SECISBP2L: variants seen among roughly 807,000 people sequenced by gnomAD.
SECISBP2L encodes selenocysteine insertion sequence-binding protein 2-like.
A neutral mutation model predicts 114.7 loss-of-function variants in SECISBP2L; 43 were observed. That is an observed-to-expected ratio of 0.38 (90% CI 0.29 to 0.48). SECISBP2L has a LOEUF of 0.48. SECISBP2L is among the 20% of genes least tolerant of loss of function. The pLI is 0.98. For missense variants in SECISBP2L, 1,136 were observed against 1,301.1 expected, an observed-to-expected ratio of 0.87 and a Z score of 1.95; for synonymous variants, 451 against 439.7, an observed-to-expected ratio of 1.03 and a Z score of -0.32.
intron 1 of SECISBP2L, chr15:49,042,455 G>C (rs986152147): frequency 6.6e-6 from 1 of 152,250 alleles, no homozygotes; most frequent in Non-Finnish European, 1.5e-5. Context: ...ACCTGGGCCA[G>C]TTCACCCTTC....
chr15:49,007,454 G>A (rs763897819), intron 14 of SECISBP2L, among the ~76,000 whole-genome samples: 44 of 152,316 alleles, frequency 2.9e-4, no homozygotes, highest in Middle Eastern at 6.8e-3. Context: ...CTGTAAGCCC[G>A]TGACCAGGGC....
Position 49,012,543 on chromosome 15 carries a change from T to A in SECISBP2L, c.1731+105A>T, listed in dbSNP as rs568832672. 3.4e-5 allele frequency: 39 copies of A among 1,163,754 alleles called. No individual in the cohort carries two copies. In the Admixed American group the frequency reaches 6.3e-4, roughly 19 times the overall value. The allele number at this position is 1,163,754 out of a possible 1,614,324, so 72.1% of individuals were successfully genotyped here. On this transcript the variant is annotated intron_variant, in intron 12 of 17. Transcript: ENST00000559471. ...GTCAAGATTCATGTGTATGAATACT[T>A]CTCACAACAATCTGTTGGCTAAGAC...
chr15:48,996,493 C>A lies in SECISBP2L; in HGVS notation c.2497G>T (p.Ala833Ser). 6.2e-7 allele frequency: 1 copy of A among 1,614,148 alleles called. No homozygotes were observed. Among genetic ancestry groups the A allele is most frequent in the Non-Finnish European group, 8.5e-7 (1 of 1,180,004 alleles). The change falls in exon 17 of 18, where the codon GCC (alanine) becomes TCC (serine). Residue 833 changes from alanine to serine, a missense_variant. Coordinates refer to ENST00000559471, the MANE Select transcript of SECISBP2L (RefSeq NM_001193489.2). ...GGTACCTTCTTCACATTCTTTAAGG[C>A]TTCCTCAGCCTGCTCCTGTTCCATT... ...AAMEQEQAEE[A>S]LKNVKKVPHH...
intron 8 of SECISBP2L, among the ~76,000 whole-genome samples, chr15:49,018,352 G>T (rs572979394): frequency 6.6e-6 from 1 of 151,898 alleles, no homozygotes; most frequent in East Asian, 1.9e-4. Flanking sequence ...CACCTCCTGG[G>T]TTCAAGCAAT....
intron 11 of SECISBP2L, among the ~76,000 whole-genome samples, chr15:49,013,564 G>C (rs538564182): frequency 3.2e-4 from 49 of 152,294 alleles, no homozygotes; most frequent in Admixed American, 2.9e-3. Context: ...CAAAGTGCTG[G>C]GATTACAGGC....
intron 11 of SECISBP2L, 127 bp downstream of exon 11, chr15:49,016,433 C>CAT (rs1259806001): frequency 7.9e-6 from 6 of 760,598 alleles, no homozygotes; most frequent in African/African-American, 1.8e-5. Context: ...AACACACATA[C>CAT]ATATATATAC....
At chr15:49,007,810 G>A (rs554323198) in intron 14 of SECISBP2L, among the ~76,000 whole-genome samples, 3 of 152,252 alleles carry the variant, frequency 2.0e-5, no homozygotes, top group Admixed American at 6.5e-5. Flanking sequence ...ATAAAAGTAA[G>A]GAGCTAGGTA....
Position 49,035,437 on chromosome 15 carries a change from G to A in SECISBP2L, c.425C>T (p.Ala142Val), listed in dbSNP as rs372622388. Residue 142 changes from alanine to valine, a missense_variant, in exon 3 of 18, where the codon GCT becomes GTT. This residue lies in a region of SECISBP2L where 452 missense variants were observed against 452.3 expected (regional missense o/e 1.00). Transcript: ENST00000559471. Reference sequence around the variant, plus strand: ...ACGCTCAGTGCATTCTGTGGTGATAGCATTTACAGTATTTGCAGCCTGAAA... The same window carrying A: ...ACGCTCAGTGCATTCTGTGGTGATAACATTTACAGTATTTGCAGCCTGAAA... ...NTFQAANTVN[A>V]ITTECTERPS... is the part of the protein sequence containing the mutation. 6 of 1,614,204 alleles carry A rather than the reference G, an allele frequency of 3.7e-6. No individual in the cohort carries two copies. The South Asian group carries it at 4.4e-5, about 12-fold the overall frequency.
Position 48,992,884 on chromosome 15 carries a change from T to G in SECISBP2L, c.2666A>C (p.Glu889Ala). 2 of 1,614,102 alleles carry G rather than the reference T, an allele frequency of 1.2e-6. No individual in the cohort carries two copies. The highest frequency in any genetic ancestry group is 1.7e-6 in the Non-Finnish European group (2 of 1,179,976). ...RNMVETSDGL[E>A]ASENEKEVSC... ...TACCTCTTTCTCATTTTCTGATGCT[T>G]CCAGTCCATCTGAAGTTTCCACCAT... is the stretch of plus-strand genomic sequence containing the variant. Residue 889 changes from glutamate to alanine, a missense_variant, in exon 18 of 18, where the codon GAA (glutamate) becomes GCA (alanine). Physicochemically the swap from Glu to Ala is moderately radical, Grantham distance 107. Coordinates refer to ENST00000559471, the MANE Select transcript of SECISBP2L (RefSeq NM_001193489.2).
chr15:49,037,366 T>C, intron 2 of SECISBP2L: 1 of 329,928 alleles, frequency 3.0e-6, no homozygotes. Context: ...CAAATAAATT[T>C]CAATGACTTA....
chr15:49,014,703 T>C (rs1322685281), intron 11 of SECISBP2L, among the ~76,000 whole-genome samples: 1 of 150,076 alleles, frequency 6.7e-6, no homozygotes, highest in Non-Finnish European at 1.5e-5. Flanking sequence ...TGTGTATATA[T>C]GGGTGTATAT....
chr15:49,004,779 G>A (rs966196772), intron 14 of SECISBP2L, among the ~76,000 whole-genome samples: 1 of 152,188 alleles, frequency 6.6e-6, no homozygotes, highest in South Asian at 2.1e-4. Context: ...TAATTTGATT[G>A]CACTTGTTTT....
intron 17 of SECISBP2L, among the ~76,000 whole-genome samples, chr15:48,995,054 T>A (rs1478135525): frequency 6.6e-6 from 1 of 152,098 alleles, no homozygotes; most frequent in Non-Finnish European, 1.5e-5. Flanking sequence ...AAGGCTTCAA[T>A]CTTTGAACAC....
At chr15:48,993,098 AGAGTGT>A (rs1316005721) in intron 17 of SECISBP2L, among the ~76,000 whole-genome samples, 172 bp from the exon 18 acceptor site, 1 of 121,996 alleles carries the variant, frequency 8.2e-6, no homozygotes, top group East Asian at 2.3e-4. Flanking sequence ...AGACAGAGAG[AGAGTGT>A]GTGTGTGTGT....
At chr15:49,043,514 T>TA (rs1328533502) in intron 1 of SECISBP2L, among the ~76,000 whole-genome samples, 5 of 151,912 alleles carry the variant, frequency 3.3e-5, no homozygotes, top group African/African-American at 9.7e-5. Flanking sequence ...TTGTTTACTT[T>TA]AAAAAATCTC....
chr15:49,007,501 G>A (rs950409496), intron 14 of SECISBP2L, among the ~76,000 whole-genome samples: 1 of 152,226 alleles, frequency 6.6e-6, no homozygotes, highest in Non-Finnish European at 1.5e-5. Context: ...GCCCAGAGAG[G>A]AGGAATCTAA....
Position 49,033,045 on chromosome 15 carries a change from G to A in SECISBP2L, c.584C>T (p.Ala195Val), listed in dbSNP as rs746473039. The A allele has an allele frequency of 3.1e-6, 5 of 1,613,810 alleles. No homozygotes were observed. The Admixed American group carries it at 5.0e-5, about 16-fold the overall frequency. The part of the protein sequence containing the change: ...KSKRPLVKNV[A>V]TQKETNAAGP... The stretch of plus-strand genomic sequence containing the variant: ...TGCTGCATTTGTTTCTTTCTGAGTA[G>A]CTACATTTTTCACCAGCGGCCTTTT... Residue 195 changes from alanine to valine, a missense_variant, in exon 4 of 18, where the codon GCT (alanine) becomes GTT (valine). Transcript: ENST00000559471.
At chr15:49,013,909 CTAA>C (rs1902488487) in intron 11 of SECISBP2L, among the ~76,000 whole-genome samples, 1 of 152,110 alleles carries the variant, frequency 6.6e-6, no homozygotes, top group South Asian at 2.1e-4. Context: ...TCTTGATCCC[CTAA>C]TAAGATGCTA....
At chr15:49,040,008 C>A (rs1158605362) in intron 1 of SECISBP2L, among the ~76,000 whole-genome samples, 1 of 151,712 alleles carries the variant, frequency 6.6e-6, no homozygotes, top group Non-Finnish European at 1.5e-5. Context: ...TTTTTCTGAC[C>A]TCTCCCCCCA....
Sources: allele counts gnomAD v4.1 joint callset (sites outside exome capture counted in the v4.1 genomes callset), GRCh38; gene constraint gnomAD v4.1.1; regional missense constraint gnomAD v4.1.1; transcripts MANE v1.5; gene names NCBI Gene and HGNC (gene_info 2026-07-23, HGNC 2026-07-21).